ABCG5: variants seen among roughly 807,000 people sequenced by gnomAD.
The protein encoded by ABCG5 is ATP-binding cassette sub-family G member 5.
In ABCG5, 64 loss-of-function variants were observed where a neutral mutation model predicts 64.5. That is an observed-to-expected ratio of 0.99 (90% confidence interval 0.81 to 1.22). The LOEUF (loss-of-function observed/expected upper bound fraction) is 1.22. Ranked by LOEUF, ABCG5 falls within the 50% of genes most tolerant of loss-of-function variation. ABCG5 has a pLI of 0.00. For missense variants in ABCG5, 908 were observed against 829.5 expected (o/e 1.09, Z -1.16); for synonymous variants, 385 against 326.3 (o/e 1.18, Z -1.94).
Position 43,828,224 on chromosome 2 carries a change from G to T in ABCG5, c.502-109C>A, listed in dbSNP as rs574209952. 279 of 1,507,162 alleles carry T rather than the reference G, an allele frequency of 1.9e-4. No individual in the cohort carries two copies. The African/African-American group carries it at 3.2e-3, about 17-fold the overall frequency. The allele number at this position is 1,507,162 out of a possible 1,614,324, so 93.4% of individuals were successfully genotyped here. On this transcript the variant is annotated intron_variant, in intron 4 of 12. Transcript: ENST00000405322. ...GCAGCACACCGCCCAAGAATCCAAGGGCCACTTCCAGACTCACCACACCCT... is the reference window on the plus strand; with the variant it reads ...GCAGCACACCGCCCAAGAATCCAAGTGCCACTTCCAGACTCACCACACCCT...
upstream of ABCG5, chr2:43,838,901 T>C (rs1668452238): frequency 8.6e-7 from 1 of 1,166,186 alleles, no homozygotes; most frequent in African/African-American, 1.5e-5. This position sits in a 1 kb window ranked among gnomAD's most constrained non-coding sequence, Gnocchi z 4.2. Context: ...CGTTTGTAGG[T>C]GGGCTTGCCA....
Position 43,838,072 on chromosome 2 carries a change from T to A in ABCG5, c.144-117A>T, listed in dbSNP as rs1018582528. ...CCCCAGTAGTCTCCGGACAGGCTCC[T>A]AACGTGTTTCAGTCTCTGCGCCCTC... On this transcript the variant is annotated intron_variant, in intron 1 of 12. Coordinates refer to ENST00000405322, the MANE Select transcript of ABCG5 (RefSeq NM_022436.3). The surrounding 1 kb of genome is among the most constrained non-coding windows in gnomAD (Gnocchi z 4.2). The A allele has an allele frequency of 2.1e-5, 30 of 1,433,116 alleles. No individual in the cohort carries two copies. In the African/African-American group the frequency reaches 3.4e-4, roughly 16 times the overall value. 88.8% of individuals were successfully genotyped at this position (1,433,116 alleles called of 1,614,324 possible).
downstream of ABCG5, among the ~76,000 whole-genome samples, chr2:43,809,325 C>T (rs1666396499): frequency 6.6e-6 from 1 of 152,148 alleles, no homozygotes; most frequent in Non-Finnish European, 1.5e-5. Flanking sequence ...TTGCTAACTT[C>T]AACCAAGTTT....
At chr2:43,835,188 C>T (rs1337230161) in intron 2 of ABCG5, among the ~76,000 whole-genome samples, 2 of 151,056 alleles carry the variant, frequency 1.3e-5, no homozygotes, top group African/African-American at 4.9e-5. Context: ...ACTCCCCCAC[C>T]CCAATCAAGA....
At chr2:43,830,961 A>G in intron 4 of ABCG5, among the ~76,000 whole-genome samples, 1 of 152,326 alleles carries the variant, frequency 6.6e-6, no homozygotes, top group African/African-American at 2.4e-5. Context: ...GCTGAGAAAA[A>G]TCAGTGGCAA....
intron 9 of ABCG5, among the ~76,000 whole-genome samples, chr2:43,823,629 T>C (rs1667394950): frequency 6.6e-6 from 1 of 152,222 alleles, no homozygotes; most frequent in Admixed American, 6.5e-5. Flanking sequence ...CAAGATGAGA[T>C]AGGAGGAATG....
chr2:43,835,645 G>C (rs77273414), intron 2 of ABCG5, among the ~76,000 whole-genome samples: 1 of 152,084 alleles, frequency 6.6e-6, no homozygotes, highest in African/African-American at 2.4e-5. Flanking sequence ...ATGATATTAC[G>C]AGGTGGGGCA....
intron 2 of ABCG5, among the ~76,000 whole-genome samples, chr2:43,834,088 C>G (rs944179169): frequency 1.3e-5 from 2 of 152,256 alleles, no homozygotes; most frequent in African/African-American, 4.8e-5. Flanking sequence ...ATTGACAAAA[C>G]TCAGAAATAG....
Position 43,813,685 on chromosome 2 carries a change from G to GT in ABCG5, c.1763-377dup, listed in dbSNP as rs1274645376. 2.6e-3 allele frequency among the ~76,000 whole-genome samples: 50 copies of GT among 19,212 alleles called. 1 individual carries two copies. Among genetic ancestry groups the GT allele is most frequent in the Non-Finnish European group, 4.4e-3 (35 of 7,910 alleles). 12.6% of individuals were successfully genotyped at this position (19,212 alleles called of 152,430 possible). On this transcript the variant is annotated intron_variant, in intron 12 of 12. Coordinates refer to ENST00000405322, the MANE Select transcript of ABCG5 (RefSeq NM_022436.3). The stretch of plus-strand genomic sequence containing the variant: ...AGATTTTTTTGGTTGTTTTTTTTTT[G>GT]TTTTTTTTGGGGTTTTTTTTTTCGT...
chr2:43,810,327 C>T, downstream of ABCG5: 1 of 981,322 alleles, frequency 1.0e-6, no homozygotes, highest in Non-Finnish European at 1.2e-6. Context: ...GCACCAATTT[C>T]ACCCTGCTGT....
rs988172729 is a variant in ABCG5 at position 43,819,818 on chromosome 2, C to G, written c.1649+97G>C. Reference sequence around the variant, plus strand: ...GACTATAAGGTAATATCCATAACCACTATCAGTTCTCTGGTATTCCTTTAC... The same window carrying G: ...GACTATAAGGTAATATCCATAACCAGTATCAGTTCTCTGGTATTCCTTTAC... On this transcript the variant is annotated intron_variant, in intron 11 of 12. Transcript: ENST00000405322. 6 of 1,320,598 alleles carry G rather than the reference C, an allele frequency of 4.5e-6. No homozygotes were observed. The African/African-American group carries it at 8.8e-5, about 19-fold the overall frequency. 81.8% of individuals were successfully genotyped at this position (1,320,598 alleles called of 1,614,324 possible).
chr2:43,837,360 A>T (rs1668342564), intron 2 of ABCG5, among the ~76,000 whole-genome samples: 1 of 152,068 alleles, frequency 6.6e-6, no homozygotes, highest in Non-Finnish European at 1.5e-5. Context: ...GGCTCAAGCA[A>T]TCCTCTCACC....
In ABCG5 at chr2:43,824,917, A is replaced by G. The variant is rs1307784736; in HGVS notation, c.876T>C (p.Pro292=). The G allele has an allele frequency of 1.2e-6, 2 of 1,614,106 alleles. No homozygotes were observed. Among genetic ancestry groups the G allele is most frequent in the African/African-American group, 1.3e-5 (1 of 75,074 alleles). The change falls in exon 7 of 13, where the codon CCT becomes CCC. Residue 292 remains proline (P), a synonymous_variant. Coordinates refer to ENST00000405322, the MANE Select transcript of ABCG5 (RefSeq NM_022436.3). The part of the protein sequence containing the change: ...DFFNDCGYPC[P]EHSNPFDFYM... ...AGAAGTCAAAAGGGTTTGAATGTTCAGGACAAGGGTAACCGCAGTCATTGA... is the reference window on the plus strand; with the variant it reads ...AGAAGTCAAAAGGGTTTGAATGTTCGGGACAAGGGTAACCGCAGTCATTGA...
chr2:43,808,856 C>A (rs1041176732), downstream of ABCG5, among the ~76,000 whole-genome samples: 2 of 152,042 alleles, frequency 1.3e-5, no homozygotes, highest in African/African-American at 4.8e-5. Flanking sequence ...AAAGTTGTTT[C>A]CAGTTGTGCT....
At chr2:43,806,331 G>A in the ABCG5 span, among the ~76,000 whole-genome samples, 6 of 152,198 alleles carry the variant, frequency 3.9e-5, no homozygotes, top group East Asian at 3.9e-4. Flanking sequence ...TGGCAGTCAC[G>A]TTGTTGCGAG....
intron 10 of ABCG5, 52 bp downstream of exon 10, chr2:43,822,745 G>C: frequency 3.7e-6 from 6 of 1,613,198 alleles, no homozygotes; most frequent in Non-Finnish European, 5.1e-6. Context: ...AGTCCCACTA[G>C]CTCCATGACT....
intron 11 of ABCG5, among the ~76,000 whole-genome samples, chr2:43,815,805 T>C (rs1666776062): frequency 6.7e-6 from 1 of 150,210 alleles, no homozygotes; most frequent in African/African-American, 2.5e-5. Context: ...TGAGGTTGAA[T>C]GACCATGAAT....
At chr2:43,812,289 C>T (rs111991842), downstream of ABCG5, among the ~76,000 whole-genome samples, 2 of 149,278 alleles carry the variant, frequency 1.3e-5, no homozygotes, top group African/African-American at 2.5e-5. Context: ...TTTCTCAGTG[C>T]ATATACTTTA....
At chr2:43,830,127 C>A (rs1281071001) in intron 4 of ABCG5, among the ~76,000 whole-genome samples, 1 of 152,172 alleles carries the variant, frequency 6.6e-6, no homozygotes, top group Non-Finnish European at 1.5e-5. Context: ...GCTTGCCCCT[C>A]CTGGCTTGGA....
Sources: allele counts gnomAD v4.1 joint callset (sites outside exome capture counted in the v4.1 genomes callset), GRCh38; gene constraint gnomAD v4.1.1; non-coding constraint Gnocchi (gnomAD v3.1); transcripts MANE v1.5; gene names NCBI Gene and HGNC (gene_info 2026-07-23, HGNC 2026-07-21).